The following AOC3 variants were observed in gnomAD, a reference collection of about 807,000 sequenced individuals.
AOC3 encodes amine oxidase copper containing 3.
Under a neutral mutation model 55.4 loss-of-function variants are expected in AOC3, and 47 were observed. The observed-to-expected ratio is 0.85, with a 90% confidence interval of 0.67 to 1.08. AOC3 has a LOEUF of 1.08. Ranked by LOEUF, AOC3 falls within the 50% of genes least tolerant of loss-of-function variation. AOC3 has a pLI of 0.00. For synonymous variants in AOC3, 386 were observed against 410.7 expected (o/e 0.94, Z 0.73); for missense variants, 853 against 993.1 (o/e 0.86, Z 1.90).
At chr17:42,854,420 A>G in intron 1 of AOC3, 28 bp from the exon 2 acceptor site, 1 of 1,455,362 alleles carries the variant, frequency 6.9e-7, no homozygotes. Context: ...GTTGCCTGAC[A>G]GGCCCTCCCC....
chr17:42,857,756 T>A lies in AOC3; in HGVS notation c.*1206T>A, dbSNP rs906664086. The A allele has an allele frequency of 2.0e-4, 31 of 152,288 alleles. No individual in the cohort carries two copies. The highest frequency in any genetic ancestry group is 7.2e-4 in the African/African-American group (30 of 41,556). 9.4% of individuals were successfully genotyped at this position (152,288 alleles called of 1,614,324 possible). On this transcript the variant is annotated 3_prime_UTR_variant, in exon 4 of 4. Transcript: ENST00000308423. ...GCAAGAGATGAGAAACAACAGAAAC[T>A]TTTTTCTCTAAAGGACTGGTTAAAT... is the stretch of plus-strand genomic sequence containing the variant.
At chr17:42,856,040 T>TG (rs2055744019) in intron 3 of AOC3, among the ~76,000 whole-genome samples, 1 of 152,158 alleles carries the variant, frequency 6.6e-6, no homozygotes, top group Admixed American at 6.5e-5. Context: ...TGTCACCCTC[T>TG]GGGGGTAGAT....
Position 42,855,585 on chromosome 17 carries a change from G to A in AOC3, c.2016+12G>A, listed in dbSNP as rs371987782. 48 of 1,614,024 alleles carry A rather than the reference G, an allele frequency of 3.0e-5. No individual in the cohort carries two copies. The highest frequency in any genetic ancestry group is 1.9e-4 in the African/African-American group (14 of 74,920). ...CCATTGCTGGAAAGGTCAGCTGGCC[G>A]GGGTAGAGGGTACAGGATGAGCCTT... On this transcript the variant is annotated intron_variant, in intron 3 of 3. Coordinates refer to ENST00000308423, the MANE Select transcript of AOC3 (RefSeq NM_003734.4).
Position 42,851,751 on chromosome 17 carries a change from C to G in AOC3, c.408C>G (p.Pro136=), listed in dbSNP as rs1245907883. 6.2e-7 allele frequency: 1 copy of G among 1,612,502 alleles called. No individual in the cohort carries two copies. The highest frequency in any genetic ancestry group is 1.3e-5 in the African/African-American group (1 of 74,926). The change falls in exon 1 of 4, where the codon CCC becomes CCG. Residue 136 remains proline, a synonymous_variant. Transcript: ENST00000308423. ...TCTTCTTTGGCAGGCAACCCCAGCC[C>G]AACGTGAGTGAGCTGGTGGTGGGGC... ...AIVFFGRQPQ[P]NVSELVVGPL... is the part of the protein sequence containing the mutation.
chr17:42,854,668 G>A lies in AOC3; in HGVS notation c.1821G>A (p.Met607Ile), dbSNP rs1404187941. ...ACCCCCGGGGCTACCGCATCCAGAT[G>A]CTCAGCTTTGCTGGAGAGCCGCTGC... is the stretch of plus-strand genomic sequence containing the variant. ...WGHPRGYRIQ[M>I]LSFAGEPLPQ... The change falls in exon 2 of 4, where the codon ATG (methionine) becomes ATA (isoleucine). Residue 607 changes from methionine (M) to isoleucine (I), a missense_variant. By Grantham distance (10) the Met-to-Ile change is conservative (BLOSUM62 1). Coordinates refer to ENST00000308423, the MANE Select transcript of AOC3 (RefSeq NM_003734.4). 8.5e-6 allele frequency: 13 copies of A among 1,527,694 alleles called. No individual in the cohort carries two copies. The highest frequency in any genetic ancestry group is 2.8e-5 in the African/African-American group (2 of 72,130). The allele number at this position is 1,527,694 out of a possible 1,614,324, so 94.6% of individuals were successfully genotyped here.
intron 2 of AOC3, 112 bp from the exon 3 acceptor site, chr17:42,855,324 CGAGTCAGT>C: frequency 7.4e-7 from 1 of 1,359,658 alleles, no homozygotes; most frequent in Non-Finnish European, 1.0e-6. Context: ...TCTGTAGCGC[CGAGTCAGT>C]TGTGTGACTG....
Position 42,851,616 on chromosome 17 carries a change from C to T in AOC3, c.273C>T (p.Pro91=), listed in dbSNP as rs1294270918. Residue 91 remains proline, a synonymous_variant, in exon 1 of 4, where the codon CCC becomes CCT. Coordinates refer to ENST00000308423, the MANE Select transcript of AOC3 (RefSeq NM_003734.4). ...TGGTGGATGCAGCCCAGGCCCGGCC[C>T]TCGGACAACTGTGTCTTCTCAGTGG... ...PGLVDAAQAR[P]SDNCVFSVEL... 2 of 1,613,340 alleles carry T rather than the reference C, an allele frequency of 1.2e-6. No homozygotes were observed. The highest frequency in any genetic ancestry group is 1.7e-5 in the Admixed American group (1 of 60,024).
In AOC3 at chr17:42,852,240, C is replaced by G; in HGVS notation, c.897C>G (p.Ser299=). The change falls in exon 1 of 4, where the codon TCC becomes TCG. Residue 299 remains serine (S), a synonymous_variant. Coordinates refer to ENST00000308423, the MANE Select transcript of AOC3 (RefSeq NM_003734.4). ...TCCCAGACAATGGCACAGGTGGGTC[C>G]TGGTCCCTGAAGTCCCCTGTGCCCC... ...VLIPDNGTGG[S]WSLKSPVPPG... 1 of 1,613,680 alleles carries G rather than the reference C, an allele frequency of 6.2e-7. No individual in the cohort carries two copies. Among genetic ancestry groups the G allele is most frequent in the South Asian group, 1.1e-5 (1 of 91,034 alleles).
Position 42,851,589 on chromosome 17 carries a change from G to A in AOC3, c.246G>A (p.Gly82=). 2 of 1,613,272 alleles carry A rather than the reference G, an allele frequency of 1.2e-6. No homozygotes were observed. Residue 82 remains glycine (G), a synonymous_variant, in exon 1 of 4, where the codon GGG becomes GGA. Transcript: ENST00000308423. ...TTCTGACCCAGCGGCTGGGGCCAGG[G>A]CTGGTGGATGCAGCCCAGGCCCGGC... ...MRFLTQRLGP[G]LVDAAQARPS...
At position 42,853,652 on chromosome 17, in the gene AOC3, G is replaced by A. The variant is rs371227329; in HGVS notation, c.1600+709G>A. Among the ~76,000 whole-genome samples the A allele has an allele frequency of 1.1e-4, 16 of 151,910 alleles. No homozygotes were observed. In the East Asian group the frequency reaches 1.9e-3, roughly 18 times the overall value. On this transcript the variant is annotated intron_variant, in intron 1 of 3. Transcript: ENST00000308423. ...TTCTGTTTTGCACCTGCAGTATCTC[G>A]GCAGGTCAGACTGTCATGCCGTGCA... is the stretch of plus-strand genomic sequence containing the variant.
Position 42,852,045 on chromosome 17 carries a change from G to A in AOC3, c.702G>A (p.Ser234=), listed in dbSNP as rs149474869. 669 of 1,613,868 alleles carry A rather than the reference G, an allele frequency of 4.1e-4. 9 individuals are homozygous for A. In the South Asian group the frequency reaches 5.6e-3, roughly 14 times the overall value. The change falls in exon 1 of 4, where the codon TCG becomes TCA. Residue 234 remains serine, a synonymous_variant. Transcript: ENST00000308423. The stretch of plus-strand genomic sequence containing the variant: ...GGTTTGGCCTCTACTACAACATCTC[G>A]GGCGCTGGGTTCTTCCTGCACCACG... ...ATWFGLYYNI[S]GAGFFLHHVG...
chr17:42,852,413 A>T lies in AOC3; in HGVS notation c.1070A>T (p.Glu357Val), dbSNP rs1433932263. ...ATCTTTGACGTTCGCTTCCAAGGAGAAAGACTAGTTTATGAGATAAGCCTC... is the reference window on the plus strand; with the variant it reads ...ATCTTTGACGTTCGCTTCCAAGGAGTAAGACTAGTTTATGAGATAAGCCTC... ...PRIFDVRFQG[E>V]RLVYEISLQE... The change falls in exon 1 of 4, where the codon GAA (glutamate) becomes GTA (valine). Residue 357 changes from glutamate (E) to valine (V), a missense_variant. Transcript: ENST00000308423. The T allele has an allele frequency of 1.2e-6, 2 of 1,614,062 alleles. No homozygotes were observed. The highest frequency in any genetic ancestry group is 1.7e-6 in the Non-Finnish European group (2 of 1,180,018).
Position 42,855,711 on chromosome 17 carries a change from G to A in AOC3, c.2016+138G>A, listed in dbSNP as rs997995993. 7 of 1,256,116 alleles carry A rather than the reference G, an allele frequency of 5.6e-6. No individual in the cohort carries two copies. The African/African-American group carries it at 7.4e-5, about 13-fold the overall frequency. 77.8% of individuals were successfully genotyped at this position (1,256,116 alleles called of 1,614,324 possible). Reference sequence around the variant, plus strand: ...AGTATATCTGATCATTATCCTTTGAGGGAACCTTCCTGAGCTGGGTGTCCA... The same window carrying A: ...AGTATATCTGATCATTATCCTTTGAAGGAACCTTCCTGAGCTGGGTGTCCA... On this transcript the variant is annotated intron_variant, in intron 3 of 3. Coordinates refer to ENST00000308423, the MANE Select transcript of AOC3 (RefSeq NM_003734.4).
rs1424997259 is a variant in AOC3 at position 42,852,458 on chromosome 17, A to G, written c.1115A>G (p.Tyr372Cys). 7 of 1,614,222 alleles carry G rather than the reference A, an allele frequency of 4.3e-6. No individual in the cohort carries two copies. Among genetic ancestry groups the G allele is most frequent in the East Asian group, 4.5e-5 (2 of 44,884 alleles). ...AGCCTCCAAGAGGCCTTGGCCATCT[A>G]TGGTGGAAATTCCCCAGCAGCAATG... ...EISLQEALAI[Y>C]GGNSPAAMTT... The change falls in exon 1 of 4, where the codon TAT becomes TGT. Residue 372 changes from tyrosine (Y) to cysteine (C), a missense_variant. Transcript: ENST00000308423.
intron 3 of AOC3, 146 bp downstream of exon 3, chr17:42,855,719 T>C: frequency 8.5e-7 from 1 of 1,176,964 alleles, no homozygotes; most frequent in South Asian, 1.5e-5. Flanking sequence ...GAGGGAACCT[T>C]CCTGAGCTGG....
At chr17:42,855,704 C>A in intron 3 of AOC3, 131 bp downstream of exon 3, 1 of 1,287,798 alleles carries the variant, frequency 7.8e-7, no homozygotes, top group Non-Finnish European at 1.1e-6. Context: ...TGATCATTAT[C>A]CTTTGAGGGA....
chr17:42,851,766 G>A lies in AOC3; in HGVS notation c.423G>A (p.Leu141=), dbSNP rs1345584021. ...GRQPQPNVSE[L]VVGPLPHPSY... The stretch of plus-strand genomic sequence containing the variant: ...AACCCCAGCCCAACGTGAGTGAGCT[G>A]GTGGTGGGGCCACTGCCTCACCCCT... The change falls in exon 1 of 4, where the codon CTG becomes CTA. Residue 141 remains leucine, a synonymous_variant. Transcript: ENST00000308423. 1 of 1,612,916 alleles carries A rather than the reference G, an allele frequency of 6.2e-7. No homozygotes were observed.
Position 42,852,243 on chromosome 17 carries a change from G to A in AOC3, c.900G>A (p.Trp300Ter). Residue 300 changes from tryptophan to a stop codon, truncating the protein, a stop_gained, in exon 1 of 4, where the codon TGG becomes TGA. Coordinates refer to ENST00000308423, the MANE Select transcript of AOC3 (RefSeq NM_003734.4). LOFTEE classifies it high-confidence loss of function. ...LIPDNGTGGS[W>*]SLKSPVPPGP... is the part of the protein sequence containing the mutation. ...CAGACAATGGCACAGGTGGGTCCTG[G>A]TCCCTGAAGTCCCCTGTGCCCCCGG... The A allele has an allele frequency of 6.2e-7, 1 of 1,613,654 alleles. No homozygotes were observed. The highest frequency in any genetic ancestry group is 8.5e-7 in the Non-Finnish European group (1 of 1,179,896).
chr17:42,854,391 G>A (rs1425256832), intron 1 of AOC3, 57 bp from the exon 2 acceptor site: 1 of 1,422,240 alleles, frequency 7.0e-7, no homozygotes, highest in Non-Finnish European at 9.2e-7. Context: ...TGGGGGCAGA[G>A]TCCAGAGGGG....
Sources: allele counts gnomAD v4.1 joint callset (sites outside exome capture counted in the v4.1 genomes callset), GRCh38; gene constraint gnomAD v4.1.1; transcripts MANE v1.5; gene names NCBI Gene and HGNC (gene_info 2026-07-23, HGNC 2026-07-21).